AK9: variants seen among roughly 807,000 people sequenced by gnomAD.
AK9 encodes adenylate kinase 9.
In AK9, 191 loss-of-function variants were observed where a neutral mutation model predicts 239.6. That is an observed-to-expected ratio of 0.80 (90% CI 0.71 to 0.90). The LOEUF (loss-of-function observed/expected upper bound fraction) is 0.90. Among genes scored for constraint, AK9 ranks in the 40% least tolerant of loss-of-function variants. The pLI is 0.00. For synonymous variants in AK9, 689 were observed against 721.0 expected, an observed-to-expected ratio of 0.96 and a Z score of 0.71; for missense variants, 1,995 against 2,214.7, an observed-to-expected ratio of 0.90 and a Z score of 1.99.
In AK9 at chr6:109,566,823, A is replaced by G. The variant is rs1002690740; in HGVS notation, c.2345-1978T>C. Among the ~76,000 whole-genome samples the G allele has an allele frequency of 6.6e-5, 10 of 152,310 alleles. 1 individual carries two copies. The highest frequency in any genetic ancestry group is 3.4e-3 in the Middle Eastern group (1 of 294). On this transcript the variant is annotated intron_variant, in intron 21 of 40. Transcript: ENST00000424296. ...TGGAAACTGAACAACCTGCTCCTGA[A>G]TGACTACTGGGTACATAACGAAATG...
intron 8 of AK9, among the ~76,000 whole-genome samples, chr6:109,650,703 C>T (rs1173266763): frequency 2.0e-5 from 3 of 152,184 alleles, no homozygotes; most frequent in African/African-American, 7.2e-5. Context: ...ACTGGAAATA[C>T]CATTTGACCC....
intron 19 of AK9, among the ~76,000 whole-genome samples, chr6:109,582,584 T>C (rs1332725883): frequency 3.3e-5 from 5 of 152,192 alleles, no homozygotes; most frequent in Non-Finnish European, 5.9e-5. Flanking sequence ...AGAGTTCTTC[T>C]CATGGATGAG....
intron 17 of AK9, among the ~76,000 whole-genome samples, chr6:109,602,665 G>A (rs1268712606): frequency 1.3e-5 from 2 of 152,182 alleles, no homozygotes; most frequent in South Asian, 2.1e-4. Flanking sequence ...ATCCTGCAGT[G>A]TTTTCCAACT....
chr6:109,624,047 G>C (rs1795214861), intron 12 of AK9, among the ~76,000 whole-genome samples: 1 of 151,820 alleles, frequency 6.6e-6, no homozygotes, highest in Admixed American at 6.6e-5. Context: ...TGTTCCTGCA[G>C]GTTTTTTTTT....
chr6:109,659,500 A>G lies in AK9; in HGVS notation c.445-87T>C, dbSNP rs568086530. 3.5e-5 allele frequency: 50 copies of G among 1,428,140 alleles called. No individual in the cohort carries two copies. In the African/African-American group the frequency reaches 6.1e-4, roughly 18 times the overall value. 88.5% of individuals were successfully genotyped at this position (1,428,140 alleles called of 1,614,324 possible). A position where few individuals can be genotyped will look rare whatever the true frequency, so the allele number is the denominator to read the frequency against. ...ATTTATTGAATATATTGTACAGTAC[A>G]TAAACCAAAAAATTCCTTTAAAACC... On this transcript the variant is annotated intron_variant, in intron 6 of 40. Coordinates refer to ENST00000424296, the MANE Select transcript of AK9 (RefSeq NM_001145128.3).
intron 35 of AK9, among the ~76,000 whole-genome samples, chr6:109,501,006 C>T (rs1489405330): frequency 6.6e-6 from 1 of 151,506 alleles, no homozygotes; most frequent in Non-Finnish European, 1.5e-5. Flanking sequence ...GACTCTCAAA[C>T]AAACAAACAA....
At chr6:109,533,161 A>C in intron 28 of AK9, 90 bp downstream of exon 28, 1 of 941,362 alleles carries the variant, frequency 1.1e-6, no homozygotes, top group Non-Finnish European at 1.5e-6. Context: ...TAAAATTAGA[A>C]TACTATATTT....
chr6:109,673,430 T>C (rs2128338277), intron 3 of AK9, among the ~76,000 whole-genome samples: 1 of 152,262 alleles, frequency 6.6e-6, no homozygotes, highest in Non-Finnish European at 1.5e-5. Context: ...CTCTCTTTTC[T>C]TATATTGTTT....
intron 12 of AK9, among the ~76,000 whole-genome samples, chr6:109,624,136 T>C (rs2128255286): frequency 6.6e-6 from 1 of 152,124 alleles, no homozygotes; most frequent in East Asian, 1.9e-4. Flanking sequence ...AATTTCTGCT[T>C]GAAAATACAT....
intron 35 of AK9, among the ~76,000 whole-genome samples, chr6:109,502,271 T>C (rs925542403): frequency 1.3e-5 from 2 of 152,150 alleles, no homozygotes; most frequent in Non-Finnish European, 2.9e-5. Flanking sequence ...TATATTGAAG[T>C]ACCCCCAGTA....
Position 109,619,244 on chromosome 6 carries a change from G to C in AK9, c.1255-8C>G, listed in dbSNP as rs1794540950. On this transcript the variant is annotated splice_region_variant and splice_polypyrimidine_tract_variant and intron_variant, in intron 12 of 40. Coordinates refer to ENST00000424296, the MANE Select transcript of AK9 (RefSeq NM_001145128.3). ...TTGGGCATAGTCGACTACCTGCAAA[G>C]AATATTTGAGAAAATCGACATAAGC... 6.5e-7 allele frequency: 1 copy of C among 1,537,122 alleles called. No homozygotes were observed. The highest frequency in any genetic ancestry group is 8.8e-7 in the Non-Finnish European group (1 of 1,142,666).
At chr6:109,618,319 A>G (rs1794413977) in intron 13 of AK9, among the ~76,000 whole-genome samples, 1 of 151,960 alleles carries the variant, frequency 6.6e-6, no homozygotes, top group African/African-American at 2.4e-5. Flanking sequence ...GTGTTCTAAT[A>G]TGATTAGTTA....
chr6:109,680,802 C>T (rs929068420), intron 1 of AK9, among the ~76,000 whole-genome samples: 5 of 152,194 alleles, frequency 3.3e-5, no homozygotes, highest in Non-Finnish European at 7.3e-5. Context: ...CAATATTCAA[C>T]ATTCTTAAAG....
chr6:109,564,953 A>T, intron 21 of AK9, 108 bp from the exon 22 acceptor site: 1 of 823,380 alleles, frequency 1.2e-6, no homozygotes, highest in Non-Finnish European at 1.8e-6. Flanking sequence ...TGTATATGAA[A>T]TGCCTAATAG....
At chr6:109,495,525 T>C (rs572928632) in intron 38 of AK9, 85 bp from the exon 39 acceptor site, 42 of 945,092 alleles carry the variant, frequency 4.4e-5, no homozygotes, top group Middle Eastern at 4.6e-4. Context: ...TATTAGAAGA[T>C]AAAGTTCACT....
intron 19 of AK9, among the ~76,000 whole-genome samples, chr6:109,582,159 A>G (rs1788938987): frequency 6.6e-6 from 1 of 152,254 alleles, no homozygotes; most frequent in Non-Finnish European, 1.5e-5. Context: ...ATGAAGACAC[A>G]TAAGGAGAAT....
Position 109,528,680 on chromosome 6 carries a change from G to C in AK9, c.3633+331C>G, listed in dbSNP as rs376186741. ...ACGGAAGTCCAGCATATTCACACCA[G>C]GGTGACATGTGGTTGCACTTGTAGC... is the stretch of plus-strand genomic sequence containing the variant. On this transcript the variant is annotated intron_variant, in intron 29 of 40. Transcript: ENST00000424296. 11 of 473,866 alleles carry C rather than the reference G, an allele frequency of 2.3e-5. No homozygotes were observed. The East Asian group carries it at 3.9e-4, about 17-fold the overall frequency. 29.4% of individuals were successfully genotyped at this position (473,866 alleles called of 1,614,324 possible). A position where few individuals can be genotyped will look rare whatever the true frequency, so the allele number is the denominator to read the frequency against.
At chr6:109,657,282 A>G (rs1161561520) in intron 7 of AK9, among the ~76,000 whole-genome samples, 1 of 152,182 alleles carries the variant, frequency 6.6e-6, no homozygotes, top group East Asian at 1.9e-4. Context: ...AGAACAGTGA[A>G]CAAAACCAAC....
Position 109,644,613 on chromosome 6 carries a change from C to T in AK9, c.834+1G>A, listed in dbSNP as rs1481030757. The T allele has an allele frequency of 5.0e-6, 8 of 1,609,572 alleles. No individual in the cohort carries two copies. Among genetic ancestry groups the T allele is most frequent in the Non-Finnish European group, 1.7e-6 (2 of 1,178,624 alleles). On this transcript the variant is annotated splice_donor_variant, in intron 9 of 40. Transcript: ENST00000424296. LOFTEE classifies it high-confidence loss of function. ...GTATTCCTGCTTAACACTGCACTCACCATAAAGAGCTCCTCTGCTGGTTTA... is the reference window on the plus strand; with the variant it reads ...GTATTCCTGCTTAACACTGCACTCATCATAAAGAGCTCCTCTGCTGGTTTA...
Sources: gnomAD v4.1 joint callset for allele counts (sites outside exome capture counted in the v4.1 genomes callset) on GRCh38, gnomAD v4.1.1 for gene constraint, MANE v1.5 for transcripts, NCBI Gene and HGNC (gene_info 2026-07-23, HGNC 2026-07-21) for gene names.